The following RPRD2 variants were observed in gnomAD, a reference collection of about 807,000 sequenced individuals.
The protein encoded by RPRD2 is regulation of nuclear pre-mRNA domain containing 2.
RPRD2 carries 12 observed loss-of-function variants against 104.4 expected under a neutral mutation model. That is an observed-to-expected ratio of 0.11 (90% confidence interval 0.07 to 0.19). The LOEUF (loss-of-function observed/expected upper bound fraction) is 0.19, where lower values mean the gene tolerates loss of function less well. Ranked by LOEUF, RPRD2 falls within the 10% of genes least tolerant of loss-of-function variation. The pLI is 1.00. For synonymous variants in RPRD2, 714 were observed against 684.9 expected (o/e 1.04, Z -0.66); for missense variants, 1,543 against 1,790.1 (o/e 0.86, Z 2.49).
Position 150,472,825 on chromosome 1 carries a change from C to A in RPRD2, c.3877C>A (p.Pro1293Thr), listed in dbSNP as rs1668683645. 6.2e-7 allele frequency: 1 copy of A among 1,608,596 alleles called. No individual in the cohort carries two copies. Among genetic ancestry groups the A allele is most frequent in the Admixed American group, 1.7e-5 (1 of 59,770 alleles). ...GGSGVPFSTP[P>T]PPPPPVDHSG... ...GAGTGGTGTCCCCTTTTCTACTCCA[C>A]CCCCTCCTCCACCCCCTGTTGACCA... is the stretch of plus-strand genomic sequence containing the variant. Residue 1293 changes from proline to threonine, a missense_variant, in exon 11 of 11, where the codon CCC becomes ACC. By Grantham distance (38) the Pro-to-Thr change is conservative (BLOSUM62 -1). Transcript: ENST00000369068.
chr1:150,417,923 T>TC (rs1664477608), intron 2 of RPRD2, among the ~76,000 whole-genome samples, 198 bp downstream of exon 2: 2 of 150,962 alleles, frequency 1.3e-5, no homozygotes, highest in African/African-American at 4.9e-5. Context: ...TCTCTCTCTC[T>TC]TTCTTTCTTT....
chr1:150,436,856 GAT>G (rs1666035975), intron 2 of RPRD2, among the ~76,000 whole-genome samples: 1 of 143,934 alleles, frequency 6.9e-6, no homozygotes. Flanking sequence ...AGTGAGCTGA[GAT>G]CGCGCCATTG....
intron 6 of RPRD2, 134 bp from the exon 7 acceptor site, chr1:150,446,092 T>C: frequency 4.4e-6 from 2 of 457,560 alleles, no homozygotes; most frequent in Non-Finnish European, 7.4e-6. Context: ...AGAAAGAAAC[T>C]AAGAGTATTA....
In RPRD2 at chr1:150,476,424, T is replaced by G. The variant is rs960679929; in HGVS notation, c.*3090T>G. On this transcript the variant is annotated 3_prime_UTR_variant, in exon 11 of 11. Transcript: ENST00000369068. Reference sequence around the variant, plus strand: ...TTTTTAAGTGGGCGGGGGCGCCTGTTAAGATCTAAAATAGATATGTTGGAT... The same window carrying G: ...TTTTTAAGTGGGCGGGGGCGCCTGTGAAGATCTAAAATAGATATGTTGGAT... 1.3e-5 allele frequency: 2 copies of G among 152,188 alleles called. No homozygotes were observed. Among genetic ancestry groups the G allele is most frequent in the African/African-American group, 4.8e-5 (2 of 41,432 alleles). The allele number at this position is 152,188 out of a possible 1,614,324, so 9.4% of individuals were successfully genotyped here. A position where few individuals can be genotyped will look rare whatever the true frequency, so the allele number is the denominator to read the frequency against.
At chr1:150,416,453 C>A (rs1664332597) in intron 1 of RPRD2, among the ~76,000 whole-genome samples, 1 of 151,808 alleles carries the variant, frequency 6.6e-6, no homozygotes, top group African/African-American at 2.4e-5. Flanking sequence ...AACTGAGAGA[C>A]AAGAAAACAT....
Position 150,430,289 on chromosome 1 carries a change from TAATC to T in RPRD2, c.336-10633_336-10630del, listed in dbSNP as rs144844279. 8.5e-3 allele frequency among the ~76,000 whole-genome samples: 1,288 copies of T among 152,134 alleles called. 26 individuals are homozygous for T. Among genetic ancestry groups the T allele is most frequent in the African/African-American group, 0.03 (1,230 of 41,502 alleles). ...AGATATTTGGACAGATGGAAAAAAA[TAATC>T]TATAGGAACTCTTGAAAGAGAATAC... On this transcript the variant is annotated intron_variant, in intron 2 of 10. Coordinates refer to ENST00000369068, the MANE Select transcript of RPRD2 (RefSeq NM_015203.5).
At chr1:150,435,266 G>A (rs1665918708) in intron 2 of RPRD2, among the ~76,000 whole-genome samples, 1 of 152,108 alleles carries the variant, frequency 6.6e-6, no homozygotes, top group Non-Finnish European at 1.5e-5. Context: ...CTTATTCCCT[G>A]AGACACCACA....
Position 150,415,237 on chromosome 1 carries a change from C to T in RPRD2, c.206-2359C>T, listed in dbSNP as rs1411595642. On this transcript the variant is annotated intron_variant, in intron 1 of 10. Coordinates refer to ENST00000369068, the MANE Select transcript of RPRD2 (RefSeq NM_015203.5). ...TCCCAGCTACTTCGGGAGGCTAAGG[C>T]AGGAGAATAGCTTGAACCCGTGAGG... Among the ~76,000 whole-genome samples the T allele has an allele frequency of 5.3e-5, 8 of 151,928 alleles. No homozygotes were observed. In the East Asian group the frequency reaches 1.5e-3, roughly 29 times the overall value.
intron 1 of RPRD2, among the ~76,000 whole-genome samples, chr1:150,399,756 C>CA (rs35551359): frequency 0.33 from 42,236 of 126,748 alleles, 7,230 homozygotes; most frequent in Middle Eastern, 0.43. Flanking sequence ...GACCCCATCT[C>CA]AAAAAAAAAA....
At chr1:150,402,471 A>T (rs1380618860) in intron 1 of RPRD2, among the ~76,000 whole-genome samples, 4 of 151,556 alleles carry the variant, frequency 2.6e-5, no homozygotes, top group Admixed American at 1.3e-4. Context: ...TGACCCCTGG[A>T]GTTTGAGATC....
At chr1:150,383,857 G>A (rs1340995168) in intron 1 of RPRD2, among the ~76,000 whole-genome samples, 2 of 152,164 alleles carry the variant, frequency 1.3e-5, no homozygotes, top group Non-Finnish European at 2.9e-5. Context: ...ATTGCCATAT[G>A]TAGCACATAT....
chr1:150,370,370 C>T (rs587607704), intron 1 of RPRD2, among the ~76,000 whole-genome samples: 2 of 152,154 alleles, frequency 1.3e-5, no homozygotes, highest in South Asian at 2.1e-4. Context: ...AGTTCTGTAC[C>T]TGTAGATGAA....
At chr1:150,415,063 G>T (rs951604724) in intron 1 of RPRD2, among the ~76,000 whole-genome samples, 4 of 152,108 alleles carry the variant, frequency 2.6e-5, no homozygotes, top group Non-Finnish European at 5.9e-5. Flanking sequence ...GGTGGCTTAT[G>T]CCTGTAATTC....
intron 1 of RPRD2, among the ~76,000 whole-genome samples, chr1:150,398,696 A>G (rs1662740207): frequency 6.6e-6 from 1 of 151,352 alleles, no homozygotes; most frequent in Non-Finnish European, 1.5e-5. Context: ...GGTGCGCACC[A>G]CCATGCCTAG....
chr1:150,379,741 G>T (rs1479980661), intron 1 of RPRD2, among the ~76,000 whole-genome samples: 1 of 152,162 alleles, frequency 6.6e-6, no homozygotes, highest in Non-Finnish European at 1.5e-5. Context: ...TTCACCATGT[G>T]TGGCCAGGAT....
intron 1 of RPRD2, among the ~76,000 whole-genome samples, chr1:150,391,462 C>CATATACTTTAACTTTAAAGGACATATA (rs1318721686): frequency 1.3e-5 from 2 of 151,930 alleles, no homozygotes; most frequent in Non-Finnish European, 2.9e-5. Flanking sequence ...CCATTAATGA[C>CATATACTTTAACTTTAAAGGACATATA]CTTTAAAAGG....
rs1405030040 is a variant in RPRD2 at position 150,474,070 on chromosome 1, A to G, written c.*736A>G. On this transcript the variant is annotated 3_prime_UTR_variant, in exon 11 of 11. Transcript: ENST00000369068. ...ATGTGACCTGCCTGTTTTTTTGTAAACAAGAGAATAGGAAATGTTTTCAAG... is the reference window on the plus strand; with the variant it reads ...ATGTGACCTGCCTGTTTTTTTGTAAGCAAGAGAATAGGAAATGTTTTCAAG... 2 of 152,162 alleles carry G rather than the reference A, an allele frequency of 1.3e-5. No individual in the cohort carries two copies. The highest frequency in any genetic ancestry group is 2.9e-5 in the Non-Finnish European group (2 of 68,032). 9.4% of individuals were successfully genotyped at this position (152,162 alleles called of 1,614,324 possible).
intron 8 of RPRD2, among the ~76,000 whole-genome samples, chr1:150,459,394 T>A (rs782464320): frequency 5.9e-5 from 9 of 152,188 alleles, no homozygotes; most frequent in Non-Finnish European, 1.2e-4. Context: ...GAACAGAAGT[T>A]CTTAGAAAGT....
At chr1:150,442,530 G>A (rs145633887) in intron 4 of RPRD2, among the ~76,000 whole-genome samples, 97 of 152,252 alleles carry the variant, frequency 6.4e-4, no homozygotes, top group African/African-American at 2.3e-3. Flanking sequence ...GCAAACTGAG[G>A]AATATTGAGA....
Sources: gnomAD v4.1 joint callset for allele counts (sites outside exome capture counted in the v4.1 genomes callset) on GRCh38, gnomAD v4.1.1 for gene constraint, MANE v1.5 for transcripts, NCBI Gene and HGNC (gene_info 2026-07-23, HGNC 2026-07-21) for gene names.